The following CERKL variants were observed in gnomAD, a reference collection of about 807,000 sequenced individuals.
The protein encoded by CERKL is ceramide kinase-like protein.
CERKL carries 61 observed loss-of-function variants against 63.4 expected under a neutral mutation model. The ratio of observed to expected loss-of-function variants is 0.96; its 90% CI spans 0.78 to 1.19. CERKL has a LOEUF of 1.19. Ranked by LOEUF, CERKL falls within the 50% of genes most tolerant of loss-of-function variation. CERKL has a pLI of 0.00. For synonymous variants in CERKL, 250 were observed against 230.5 expected, an observed-to-expected ratio of 1.08 and a Z score of -0.77; for missense variants, 675 against 655.5, an observed-to-expected ratio of 1.03 and a Z score of -0.33.
At chr2:181,645,397 CAT>C in intron 1 of CERKL, among the ~76,000 whole-genome samples, 1 of 152,220 alleles carries the variant, frequency 6.6e-6, no homozygotes. Flanking sequence ...AAAGAAAAAA[CAT>C]ATTCTGAATA....
intron 1 of CERKL, among the ~76,000 whole-genome samples, chr2:181,627,305 C>T (rs920582435): frequency 6.6e-6 from 1 of 151,974 alleles, no homozygotes; most frequent in African/African-American, 2.4e-5. Flanking sequence ...AGGAAACCCT[C>T]ATTAGTAAAA....
rs2105846412 is a variant in CERKL, at chr2:181,573,750, T to TA, written c.613+2dup. ...GTGAAATTATATTCTGAAAATTACTTACTTGTTACATCAGTTTTTATTCCT... is the reference window on the plus strand; with the variant it reads ...GTGAAATTATATTCTGAAAATTACTTAACTTGTTACATCAGTTTTTATTCCT... On this transcript the variant is annotated splice_region_variant and intron_variant, in intron 3 of 12. Transcript: ENST00000410087. 1.9e-6 allele frequency: 3 copies of TA among 1,611,410 alleles called. No homozygotes were observed. The African/African-American group carries it at 4.0e-5, about 21-fold the overall frequency.
intron 1 of CERKL, among the ~76,000 whole-genome samples, chr2:181,632,297 T>G (rs957493787): frequency 6.6e-6 from 1 of 152,200 alleles, no homozygotes; most frequent in Non-Finnish European, 1.5e-5. Flanking sequence ...AGAAATCCAA[T>G]TATTTAAAAC....
intron 3 of CERKL, among the ~76,000 whole-genome samples, chr2:181,569,504 T>A (rs1026734638): frequency 5.9e-5 from 9 of 152,252 alleles, no homozygotes; most frequent in African/African-American, 2.2e-4. Flanking sequence ...ACAGCCATGT[T>A]AGAAGCGTGA....
At chr2:181,542,380 A>G (rs1277473045) in intron 11 of CERKL, among the ~76,000 whole-genome samples, 1 of 152,174 alleles carries the variant, frequency 6.6e-6, no homozygotes, top group East Asian at 1.9e-4. Flanking sequence ...GAATTGCCAC[A>G]TTTTCCTTCC....
intron 3 of CERKL, 60 bp downstream of exon 3, chr2:181,573,693 G>T: frequency 2.0e-6 from 3 of 1,502,716 alleles, no homozygotes; most frequent in Non-Finnish European, 2.8e-6. Context: ...GACAAATTCA[G>T]ATTATTTTGC....
At chr2:181,642,734 T>A (rs373759823) in intron 1 of CERKL, among the ~76,000 whole-genome samples, 2 of 152,062 alleles carry the variant, frequency 1.3e-5, no homozygotes, top group Non-Finnish European at 2.9e-5. Flanking sequence ...GGCCTAGTTT[T>A]ATTTTTTTTA....
In CERKL at chr2:181,548,773, C is replaced by T. The variant is rs759320359; in HGVS notation, c.980G>A (p.Gly327Asp). The part of the protein sequence containing the change: ...RFGFSAMFGF[G>D]GRTLALAEKY... ...TTCTGCCAGAGCCAAAGTTCTTCCA[C>T]CAAAGCCAAACATGGCTGAGAACCC... The change falls in exon 7 of 13, where the codon GGT becomes GAT. Residue 327 changes from glycine to aspartate, a missense_variant. By Grantham distance (94) the Gly-to-Asp change is moderately conservative. Transcript: ENST00000410087. 6 of 1,613,914 alleles carry T rather than the reference C, an allele frequency of 3.7e-6. No homozygotes were observed. In the African/African-American group the frequency reaches 5.3e-5, roughly 14 times the overall value.
At chr2:181,610,745 G>T (rs1465549912) in intron 1 of CERKL, among the ~76,000 whole-genome samples, 1 of 152,162 alleles carries the variant, frequency 6.6e-6, no homozygotes, top group Non-Finnish European at 1.5e-5. Flanking sequence ...TATGCAATAT[G>T]AGGTATGAAA....
At position 181,549,670 on chromosome 2, in the gene CERKL, G is replaced by A; in HGVS notation, c.859C>T (p.Pro287Ser). Residue 287 changes from proline to serine, a missense_variant, in exon 6 of 13, where the codon CCT becomes TCT. Pro to Ser is a moderately conservative substitution (Grantham distance 74). Transcript: ENST00000410087. The part of the protein sequence containing the change: ...NVLAHSLHGV[P>S]HVITATLHII... ...TGCAATGTTGCAGTTATCACATGAG[G>A]AACTCCATGAAGAGAATGTGCCAAT... 6.2e-7 allele frequency: 1 copy of A among 1,612,460 alleles called. No homozygotes were observed.
chr2:181,597,734 C>A (rs2105885684), intron 2 of CERKL, among the ~76,000 whole-genome samples: 1 of 152,274 alleles, frequency 6.6e-6, no homozygotes, highest in African/African-American at 2.4e-5. Flanking sequence ...CAGTGGTGGG[C>A]CTCTGCTCTG....
chr2:181,626,461 T>C (rs1036175869), intron 1 of CERKL, among the ~76,000 whole-genome samples: 2 of 152,160 alleles, frequency 1.3e-5, no homozygotes, highest in African/African-American at 4.8e-5. Flanking sequence ...ACATGCCTAA[T>C]TGTACAGGAC....
At chr2:181,619,476 C>T (rs935985344) in intron 1 of CERKL, among the ~76,000 whole-genome samples, 20 of 152,152 alleles carry the variant, frequency 1.3e-4, no homozygotes, top group Non-Finnish European at 7.4e-5. Context: ...CAATTCACTT[C>T]AACAATATCT....
In CERKL at chr2:181,558,648, T is replaced by C. The variant is rs752573519; in HGVS notation, c.738A>G (p.Arg246=). The C allele has an allele frequency of 2.5e-6, 4 of 1,612,944 alleles. No individual in the cohort carries two copies. In the South Asian group the frequency reaches 4.4e-5, roughly 18 times the overall value. ...ASEVAHALLL[R]AQKNAGMETD... ...TTTCCATCCCAGCATTCTTCTGAGC[T>C]CTCAGAAGCAAAGCATGGGCTACTT... The change falls in exon 5 of 13, where the codon AGA becomes AGG. Residue 246 remains arginine, a synonymous_variant. Transcript: ENST00000410087. This position sits in a 1 kb window ranked among gnomAD's most constrained non-coding sequence, Gnocchi z 4.2.
At chr2:181,642,731 T>C (rs1398587961) in intron 1 of CERKL, among the ~76,000 whole-genome samples, 1 of 151,988 alleles carries the variant, frequency 6.6e-6, no homozygotes, top group Non-Finnish European at 1.5e-5. Flanking sequence ...AAAGGCCTAG[T>C]TTTATTTTTT....
Position 181,536,734 on chromosome 2 carries a change from G to A in CERKL, c.*1450C>T, listed in dbSNP as rs1687126102. 4.1e-6 allele frequency: 1 copy of A among 246,500 alleles called. No individual in the cohort carries two copies. Among genetic ancestry groups the A allele is most frequent in the South Asian group, 4.7e-5 (1 of 21,234 alleles). 15.3% of individuals were successfully genotyped at this position (246,500 alleles called of 1,614,324 possible). On this transcript the variant is annotated 3_prime_UTR_variant, in exon 13 of 13. Coordinates refer to ENST00000410087, the MANE Select transcript of CERKL (RefSeq NM_201548.5). ...TACTATATGAGGTTCTATTTTAAAT[G>A]ACTTTCTGGATTTTAAAAAATTTCT...
intron 1 of CERKL, among the ~76,000 whole-genome samples, chr2:181,613,407 A>G (rs541917879): frequency 3.3e-5 from 5 of 152,348 alleles, no homozygotes; most frequent in African/African-American, 7.2e-5. Context: ...GTTAGACTGC[A>G]GCAACCAGGA....
chr2:181,577,297 G>A (rs1356141775), intron 2 of CERKL, among the ~76,000 whole-genome samples: 3 of 152,202 alleles, frequency 2.0e-5, no homozygotes, highest in Non-Finnish European at 2.9e-5. Flanking sequence ...TCAGTAGTCT[G>A]CACAGGACTG....
chr2:181,559,181 A>G (rs1327294260), intron 4 of CERKL, among the ~76,000 whole-genome samples: 1 of 152,204 alleles, frequency 6.6e-6, no homozygotes, highest in Non-Finnish European at 1.5e-5. Flanking sequence ...ACTGCTAATT[A>G]TCATTACTAT....
Sources: gnomAD v4.1 joint callset for allele counts (sites outside exome capture counted in the v4.1 genomes callset) on GRCh38, gnomAD v4.1.1 for gene constraint, Gnocchi (gnomAD v3.1) non-coding constraint, MANE v1.5 for transcripts, NCBI Gene and HGNC (gene_info 2026-07-23, HGNC 2026-07-21) for gene names.